The following HPSE2 variants were observed in gnomAD, a reference collection of about 807,000 sequenced individuals.
HPSE2 encodes heparanase 2 (inactive).
Under a neutral mutation model 60.5 loss-of-function variants are expected in HPSE2, and 38 were observed. That is an observed-to-expected ratio of 0.63 (90% CI 0.48 to 0.82). The LOEUF is 0.82. Among genes scored for constraint, HPSE2 ranks in the 40% least tolerant of loss-of-function variants. HPSE2 has a pLI of 0.00. For synonymous variants in HPSE2, 295 were observed against 293.2 expected, an observed-to-expected ratio of 1.01 and a Z score of -0.06; for missense variants, 713 against 740.4, an observed-to-expected ratio of 0.96 and a Z score of 0.43.
chr10:98,742,619 T>C (rs1015194261), intron 4 of HPSE2, among the ~76,000 whole-genome samples: 1 of 152,196 alleles, frequency 6.6e-6, no homozygotes, highest in Non-Finnish European at 1.5e-5. Context: ...TAATCCATAT[T>C]GACTCAATAT....
At chr10:99,141,567 AG>A (rs1845868292) in intron 3 of HPSE2, among the ~76,000 whole-genome samples, 1 of 152,252 alleles carries the variant, frequency 6.6e-6, no homozygotes, top group African/African-American at 2.4e-5. Flanking sequence ...AAATTGTATT[AG>A]TTTTTATTAT....
intron 9 of HPSE2, among the ~76,000 whole-genome samples, chr10:98,612,383 C>A (rs998517118): frequency 6.6e-6 from 1 of 152,198 alleles, no homozygotes; most frequent in Non-Finnish European, 1.5e-5. Flanking sequence ...TTCTCTTTAG[C>A]AAAATTAGTA....
At chr10:99,139,796 T>G (rs1014935439) in intron 3 of HPSE2, among the ~76,000 whole-genome samples, 3 of 152,072 alleles carry the variant, frequency 2.0e-5, no homozygotes, top group Admixed American at 2.0e-4. Flanking sequence ...ACCATCTACT[T>G]CATTTACTTT....
chr10:98,943,735 A>G (rs990145159), intron 3 of HPSE2, among the ~76,000 whole-genome samples: 3 of 152,180 alleles, frequency 2.0e-5, no homozygotes, highest in African/African-American at 7.2e-5. Context: ...GTAAGGAACT[A>G]AAGCCATTGA....
intron 3 of HPSE2, among the ~76,000 whole-genome samples, chr10:98,757,331 A>G (rs144980882): frequency 1.3e-5 from 2 of 152,154 alleles, no homozygotes; most frequent in African/African-American, 2.4e-5. Context: ...TCCTAGTCAG[A>G]GCAATCAGAT....
intron 3 of HPSE2, among the ~76,000 whole-genome samples, chr10:98,830,594 T>C (rs528920721): frequency 2.0e-5 from 3 of 152,320 alleles, no homozygotes; most frequent in African/African-American, 7.2e-5. Context: ...TCTAATTCTA[T>C]AGAAAATGTG....
At chr10:98,777,121 AGTAG>A (rs1423658793) in intron 3 of HPSE2, among the ~76,000 whole-genome samples, 2 of 152,220 alleles carry the variant, frequency 1.3e-5, no homozygotes, top group Non-Finnish European at 2.9e-5. Context: ...CTTTTCTTCC[AGTAG>A]ACAACTTTCA....
chr10:99,036,735 T>C (rs1957617963), intron 3 of HPSE2, among the ~76,000 whole-genome samples: 1 of 152,176 alleles, frequency 6.6e-6, no homozygotes, highest in South Asian at 2.1e-4. Flanking sequence ...GTCATGGATA[T>C]TTTCATAGCT....
chr10:99,249,651 G>A, the HPSE2 span, among the ~76,000 whole-genome samples: 1,063 of 152,314 alleles, frequency 7.0e-3, 12 homozygotes, highest in African/African-American at 0.025. Context: ...TTTGCAATGT[G>A]AGAAGGACAT....
chr10:98,594,296 C>A (rs748426477), intron 9 of HPSE2, among the ~76,000 whole-genome samples: 3 of 151,956 alleles, frequency 2.0e-5, no homozygotes, highest in Non-Finnish European at 4.4e-5. Context: ...TTCCCTACCC[C>A]GCCTCCCCTT....
intron 9 of HPSE2, among the ~76,000 whole-genome samples, chr10:98,608,887 C>G (rs1290939036): frequency 2.0e-5 from 3 of 151,750 alleles, no homozygotes; most frequent in Non-Finnish European, 4.4e-5. Context: ...GGGTTTTGTG[C>G]CTCCCCCGCC....
intron 3 of HPSE2, among the ~76,000 whole-genome samples, chr10:99,125,988 A>C (rs1474649092): frequency 6.6e-6 from 1 of 152,156 alleles, no homozygotes; most frequent in Non-Finnish European, 1.5e-5. Flanking sequence ...CAGGAGGCGA[A>C]TGGGGACTGC....
intron 9 of HPSE2, among the ~76,000 whole-genome samples, chr10:98,523,252 A>G (rs1190986210): frequency 6.6e-6 from 1 of 152,238 alleles, no homozygotes; most frequent in African/African-American, 2.4e-5. Flanking sequence ...ATGGGAAGGC[A>G]CAGTACCAAC....
At chr10:98,688,332 T>C (rs1015009147) in intron 6 of HPSE2, among the ~76,000 whole-genome samples, 6 of 152,028 alleles carry the variant, frequency 3.9e-5, no homozygotes, top group African/African-American at 1.4e-4. Flanking sequence ...ATTTTGTAAA[T>C]AAATTGGGGA....
chr10:98,621,897 T>C (rs1007718057), intron 7 of HPSE2, among the ~76,000 whole-genome samples: 1 of 152,172 alleles, frequency 6.6e-6, no homozygotes, highest in Non-Finnish European at 1.5e-5. Flanking sequence ...ATCTCTACAA[T>C]GATGGCTAGA....
At chr10:98,906,902 C>CAA (rs35318674) in intron 3 of HPSE2, among the ~76,000 whole-genome samples, 1 of 110,740 alleles carries the variant, frequency 9.0e-6, no homozygotes, top group Non-Finnish European at 2.1e-5. Flanking sequence ...AACTCTGTCT[C>CAA]AAAAAAAAAA....
chr10:98,583,071 A>T (rs1385866116), intron 9 of HPSE2, among the ~76,000 whole-genome samples: 1 of 152,124 alleles, frequency 6.6e-6, no homozygotes, highest in Non-Finnish European at 1.5e-5. Flanking sequence ...CTACTCCGGG[A>T]ACTGTCTTCC....
chr10:98,496,789 T>A (rs919735075), intron 9 of HPSE2, among the ~76,000 whole-genome samples: 13 of 152,224 alleles, frequency 8.5e-5, no homozygotes, highest in African/African-American at 3.1e-4. Context: ...ACATAGCTTT[T>A]AATTTTGGTA....
chr10:99,025,613 T>C (rs904405333), intron 3 of HPSE2, among the ~76,000 whole-genome samples: 5 of 152,234 alleles, frequency 3.3e-5, no homozygotes, highest in South Asian at 4.1e-4. Context: ...AAAAACTGAA[T>C]ACCACATGTT....
Sources: allele counts gnomAD v4.1 joint callset (sites outside exome capture counted in the v4.1 genomes callset), GRCh38; gene constraint gnomAD v4.1.1; transcripts MANE v1.5; gene names NCBI Gene and HGNC (gene_info 2026-07-23, HGNC 2026-07-21).